Variants in TUBGCP4 observed in about 807,000 individuals in gnomAD.
The protein encoded by TUBGCP4 is gamma-tubulin complex component 4.
Under a neutral mutation model 91.6 loss-of-function variants are expected in TUBGCP4, and 54 were observed. That is an observed-to-expected ratio of 0.59 (90% CI 0.47 to 0.74). TUBGCP4 has a LOEUF of 0.74. Ranked by LOEUF, TUBGCP4 falls within the 30% of genes least tolerant of loss-of-function variation. The pLI, the probability that TUBGCP4 is intolerant of heterozygous loss-of-function variation, is 0.00. For missense variants in TUBGCP4, 593 were observed against 800.9 expected (o/e 0.74, Z 3.13); for synonymous variants, 297 against 302.8 (o/e 0.98, Z 0.20).
chr15:43,406,499 A>G lies in TUBGCP4; in HGVS notation c.*1285A>G. On this transcript the variant is annotated 3_prime_UTR_variant, in exon 18 of 18. Coordinates refer to ENST00000564079, the MANE Select transcript of TUBGCP4 (RefSeq NM_014444.5). The stretch of plus-strand genomic sequence containing the variant: ...CACAGCCATGCCCATTTGTTTACTC[A>G]TTGTCTATGGTTGCTTTCATGCCCT... 2.3e-6 allele frequency: 1 copy of G among 429,404 alleles called. No individual in the cohort carries two copies. Among genetic ancestry groups the G allele is most frequent in the South Asian group, 1.7e-5 (1 of 59,426 alleles). 26.6% of individuals were successfully genotyped at this position (429,404 alleles called of 1,614,324 possible).
chr15:43,399,195 C>G, intron 13 of TUBGCP4: 1 of 1,193,834 alleles, frequency 8.4e-7, no homozygotes, highest in Non-Finnish European at 1.1e-6. Context: ...CCTATTCTAC[C>G]AGGAATCAGC....
intron 9 of TUBGCP4, among the ~76,000 whole-genome samples, chr15:43,393,038 A>G (rs2044504582): frequency 6.6e-6 from 1 of 152,114 alleles, no homozygotes; most frequent in East Asian, 1.9e-4. Context: ...TACAGTATGC[A>G]CTCTTTTGGA....
intron 15 of TUBGCP4, chr15:43,402,601 A>T (rs1278113024): frequency 6.6e-6 from 1 of 152,216 alleles, no homozygotes; most frequent in African/African-American, 2.4e-5. Flanking sequence ...GTAAGTACAT[A>T]TATGTCTCCT....
Position 43,409,223 on chromosome 15 carries a change from C to T in TUBGCP4, c.*4009C>T, listed in dbSNP as rs967609289. The T allele has an allele frequency of 1.5e-4, 124 of 813,198 alleles. 1 individual carries two copies. In the Admixed American group the frequency reaches 2.8e-3, roughly 18 times the overall value. The allele number at this position is 813,198 out of a possible 1,614,324, so 50.4% of individuals were successfully genotyped here. On this transcript the variant is annotated 3_prime_UTR_variant, in exon 18 of 18. Transcript: ENST00000564079. Reference sequence around the variant, plus strand: ...ACTACTACCCAAAATGTGATTTAGTCTATCCTGCCCAAGGCCACTCTTCTC... The same window carrying T: ...ACTACTACCCAAAATGTGATTTAGTTTATCCTGCCCAAGGCCACTCTTCTC...
At chr15:43,385,292 C>G (rs1244277611) in intron 7 of TUBGCP4, 2 of 453,258 alleles carry the variant, frequency 4.4e-6, no homozygotes, top group Non-Finnish European at 8.9e-6. Flanking sequence ...GTACATTTGT[C>G]TGGAAGATCC....
chr15:43,383,633 A>G, intron 7 of TUBGCP4, 129 bp downstream of exon 7: 1 of 694,142 alleles, frequency 1.4e-6, no homozygotes, highest in Admixed American at 3.4e-5. Flanking sequence ...CGATGTAAAC[A>G]TTCGGCTTTA....
intron 7 of TUBGCP4, among the ~76,000 whole-genome samples, chr15:43,384,904 A>G (rs1489644934): frequency 6.6e-6 from 1 of 152,196 alleles, no homozygotes; most frequent in Non-Finnish European, 1.5e-5. Context: ...AACCAAAGAT[A>G]CTAACATTGA....
chr15:43,408,204 A>G lies in TUBGCP4; in HGVS notation c.*2990A>G. On this transcript the variant is annotated 3_prime_UTR_variant, in exon 18 of 18. Coordinates refer to ENST00000564079, the MANE Select transcript of TUBGCP4 (RefSeq NM_014444.5). ...TTCAAAAATAAATGCCCCATCAGAC[A>G]TAGTGTCTCAAGCCTGTAATCCCAG... 3 of 1,073,716 alleles carry G rather than the reference A, an allele frequency of 2.8e-6. No homozygotes were observed. The highest frequency in any genetic ancestry group is 4.0e-6 in the Non-Finnish European group (3 of 752,820). The allele number at this position is 1,073,716 out of a possible 1,614,324, so 66.5% of individuals were successfully genotyped here. A position where few individuals can be genotyped will look rare whatever the true frequency, so the allele number is the denominator to read the frequency against.
Position 43,397,296 on chromosome 15 carries a change from C to T in TUBGCP4, c.1254C>T (p.Ile418=), listed in dbSNP as rs186788196. 7,951 of 1,613,944 alleles carry T rather than the reference C, an allele frequency of 4.9e-3. 30 individuals carry two copies. The highest frequency in any genetic ancestry group is 5.7e-3 in the Non-Finnish European group (6,675 of 1,179,868). ...DNLLPLLHLT[I]EYHGKEHKDA... is the part of the protein sequence containing the mutation. Reference sequence around the variant, plus strand: ...TTCTCCCTCTGTTGCACTTGACAATCGAGTATCACGGAAAGGAGCACAAAG... The same window carrying T: ...TTCTCCCTCTGTTGCACTTGACAATTGAGTATCACGGAAAGGAGCACAAAG... The change falls in exon 12 of 18, where the codon ATC becomes ATT. Residue 418 remains isoleucine (I), a synonymous_variant. Transcript: ENST00000564079.
intron 15 of TUBGCP4, chr15:43,402,116 C>A: frequency 7.2e-6 from 2 of 277,344 alleles, no homozygotes; most frequent in Non-Finnish European, 1.4e-5. Flanking sequence ...ACTAAAAATA[C>A]AGAAGAAAAA....
intron 7 of TUBGCP4, chr15:43,385,379 G>T (rs1237309281): frequency 2.2e-6 from 1 of 457,160 alleles, no homozygotes. Flanking sequence ...CACAGAAGAC[G>T]ATGTGATTGT....
At position 43,383,295 on chromosome 15, in the gene TUBGCP4, C is replaced by G. The variant is rs1414388583; in HGVS notation, c.522-8C>G. The G allele has an allele frequency of 5.0e-6, 8 of 1,609,180 alleles. 1 individual carries two copies. Among genetic ancestry groups the G allele is most frequent in the South Asian group, 3.3e-5 (3 of 90,174 alleles). On this transcript the variant is annotated splice_polypyrimidine_tract_variant and splice_region_variant and intron_variant, in intron 6 of 17. Coordinates refer to ENST00000564079, the MANE Select transcript of TUBGCP4 (RefSeq NM_014444.5). ...ACTTCTGAGCCTCTTACTTTCTACT[C>G]TGCCCAGAATCCTGGCCGTTTGTCA...
rs769585887 is a variant in TUBGCP4, at chr15:43,398,033, C to A, written c.1280-8C>A. 6 of 1,595,884 alleles carry A rather than the reference C, an allele frequency of 3.8e-6. No homozygotes were observed. The highest frequency in any genetic ancestry group is 4.3e-6 in the Non-Finnish European group (5 of 1,173,562). ...CTTTTCTTTTTTTCTTTTCTTTTAT[C>A]ACAGCAGATGCTACTCAGGCAAGAG... On this transcript the variant is annotated splice_polypyrimidine_tract_variant and splice_region_variant and intron_variant, in intron 12 of 17. Coordinates refer to ENST00000564079, the MANE Select transcript of TUBGCP4 (RefSeq NM_014444.5).
chr15:43,376,058 G>A, intron 1 of TUBGCP4, 40 bp from the exon 2 acceptor site: 1 of 1,606,290 alleles, frequency 6.2e-7, no homozygotes, highest in Non-Finnish European at 8.5e-7. Context: ...AGTTGGGGCA[G>A]CGACTGGCGG....
intron 9 of TUBGCP4, among the ~76,000 whole-genome samples, chr15:43,393,098 C>T (rs932112207): frequency 9.2e-5 from 14 of 152,164 alleles, no homozygotes; most frequent in African/African-American, 3.4e-4. Flanking sequence ...GAGATGAACC[C>T]ATGTTGCATT....
In TUBGCP4 at chr15:43,376,160, G is replaced by T; in HGVS notation, c.141G>T (p.Arg47=). ...CCAGTGTCCTGAATCGACTCTGCCG[G>T]CTCGGCACAGACTATATTCGCTTCA... is the stretch of plus-strand genomic sequence containing the variant. ...SETSVLNRLC[R]LGTDYIRFTE... is the part of the protein sequence containing the mutation. The change falls in exon 2 of 18, where the codon CGG becomes CGT. Residue 47 remains arginine, a synonymous_variant. Coordinates refer to ENST00000564079, the MANE Select transcript of TUBGCP4 (RefSeq NM_014444.5). 4 of 1,614,094 alleles carry T rather than the reference G, an allele frequency of 2.5e-6. No individual in the cohort carries two copies. The highest frequency in any genetic ancestry group is 2.7e-5 in the African/African-American group (2 of 75,010).
At chr15:43,381,752 C>G (rs546015670) in intron 6 of TUBGCP4, among the ~76,000 whole-genome samples, 3 of 151,428 alleles carry the variant, frequency 2.0e-5, no homozygotes, top group Admixed American at 2.0e-4. Flanking sequence ...ACAAAAAAAA[C>G]CAACCAAACG....
Position 43,395,680 on chromosome 15 carries a change from C to T in TUBGCP4, c.1163C>T (p.Thr388Ile). The T allele has an allele frequency of 6.2e-7, 1 of 1,613,288 alleles. No individual in the cohort carries two copies. The highest frequency in any genetic ancestry group is 8.5e-7 in the Non-Finnish European group (1 of 1,179,230). The change falls in exon 11 of 18, where the codon ACT becomes ATT. Residue 388 changes from threonine (T) to isoleucine (I), a missense_variant. Coordinates refer to ENST00000564079, the MANE Select transcript of TUBGCP4 (RefSeq NM_014444.5). The part of the protein sequence containing the change: ...HMLKTPPTAV[T>I]EHDVNVAFQQ... ...TTGAAAACACCACCCACTGCAGTAA[C>T]TGAGCATGGTAATTGTCAGTGGCCC...
chr15:43,380,228 A>G, intron 6 of TUBGCP4, 65 bp downstream of exon 6: 10 of 1,394,772 alleles, frequency 7.2e-6, no homozygotes, highest in Non-Finnish European at 1.0e-5. Flanking sequence ...GACTTCTCAC[A>G]TGTTTTATTT....
Sources: allele counts gnomAD v4.1 joint callset (sites outside exome capture counted in the v4.1 genomes callset), GRCh38; gene constraint gnomAD v4.1.1; transcripts MANE v1.5; gene names NCBI Gene and HGNC (gene_info 2026-07-23, HGNC 2026-07-21).